The following STK24 variants were observed in gnomAD, a reference collection of about 807,000 sequenced individuals.
STK24 encodes serine/threonine-protein kinase 24.
STK24 carries 21 observed loss-of-function variants against 55.6 expected under a neutral mutation model. The ratio of observed to expected loss-of-function variants is 0.38; its 90% CI spans 0.27 to 0.54. The LOEUF is 0.54. Among genes scored for constraint, STK24 ranks in the 20% least tolerant of loss-of-function variants. The pLI, the probability that STK24 is intolerant of heterozygous loss-of-function variation, is 0.79. For synonymous variants in STK24, 200 were observed against 215.2 expected, an observed-to-expected ratio of 0.93 and a Z score of 0.62; for missense variants, 383 against 538.4, an observed-to-expected ratio of 0.71 and a Z score of 2.86.
chr13:98,517,656 G>C (rs1356620852), intron 2 of STK24, among the ~76,000 whole-genome samples: 1 of 152,082 alleles, frequency 6.6e-6, no homozygotes, highest in Non-Finnish European at 1.5e-5. Flanking sequence ...TTAACATCAA[G>C]ATGCTGGCAT....
At position 98,447,569 on chromosome 13, in the gene STK24, C is replaced by T. The variant is rs567461212; in HGVS notation, c.*5604G>A. The T allele has an allele frequency of 1.1e-4, 17 of 152,662 alleles. No homozygotes were observed. Among genetic ancestry groups the T allele is most frequent in the African/African-American group, 3.8e-4 (16 of 41,570 alleles). 9.5% of individuals were successfully genotyped at this position (152,662 alleles called of 1,614,324 possible). On this transcript the variant is annotated 3_prime_UTR_variant, in exon 11 of 11. Coordinates refer to ENST00000539966, the MANE Select transcript of STK24 (RefSeq NM_001032296.4). The stretch of plus-strand genomic sequence containing the variant: ...GGATGTTCAGCGGCATCCCTGGCCA[C>T]CCACTAGATGCCCGCAGCAACCCCT...
chr13:98,526,171 G>A (rs1002600496), intron 1 of STK24, among the ~76,000 whole-genome samples: 1 of 152,170 alleles, frequency 6.6e-6, no homozygotes, highest in Non-Finnish European at 1.5e-5. Context: ...AACAATTTTT[G>A]TCCTGTTTTC....
intron 2 of STK24, among the ~76,000 whole-genome samples, chr13:98,517,867 A>G (rs1304496797): frequency 1.3e-5 from 2 of 152,220 alleles, no homozygotes; most frequent in Admixed American, 6.5e-5. Flanking sequence ...AATTTAAGAG[A>G]TGAGGTATGA....
At chr13:98,565,058 G>C (rs1442297338) in intron 1 of STK24, among the ~76,000 whole-genome samples, 1 of 152,208 alleles carries the variant, frequency 6.6e-6, no homozygotes, top group Non-Finnish European at 1.5e-5. Context: ...CAAGCCATAG[G>C]CTGCAAGCAC....
intron 1 of STK24, among the ~76,000 whole-genome samples, chr13:98,549,706 C>G (rs543636059): frequency 8.9e-4 from 135 of 152,302 alleles, no homozygotes; most frequent in African/African-American, 3.2e-3. Flanking sequence ...GCTTCCTGTA[C>G]AGCCTGCAGA....
chr13:98,499,964 G>T (rs1247534226), intron 2 of STK24, among the ~76,000 whole-genome samples: 2 of 152,176 alleles, frequency 1.3e-5, no homozygotes, highest in Non-Finnish European at 2.9e-5. Flanking sequence ...CTCTCAATCT[G>T]TTGCTGAAGA....
At chr13:98,506,388 G>A (rs189178157) in intron 2 of STK24, among the ~76,000 whole-genome samples, 5 of 152,298 alleles carry the variant, frequency 3.3e-5, no homozygotes, top group African/African-American at 9.6e-5. Flanking sequence ...TGGAATCACC[G>A]CCCAGATTCA....
intron 1 of STK24, among the ~76,000 whole-genome samples, chr13:98,546,890 A>G (rs562998726): frequency 1.1e-5 from 1 of 90,470 alleles, no homozygotes; most frequent in East Asian, 3.0e-4. Flanking sequence ...TTCCTTCCAT[A>G]TCTAATTGTT....
At chr13:98,494,448 A>T (rs2139330664) in intron 2 of STK24, among the ~76,000 whole-genome samples, 1 of 149,330 alleles carries the variant, frequency 6.7e-6, no homozygotes, top group South Asian at 2.1e-4. Flanking sequence ...ACAGTATTAT[A>T]AGGAAAAATT....
At chr13:98,503,658 AGG>A (rs1172744342) in intron 2 of STK24, among the ~76,000 whole-genome samples, 1 of 152,266 alleles carries the variant, frequency 6.6e-6, no homozygotes, top group African/African-American at 2.4e-5. Context: ...CAGCCACACT[AGG>A]CAGAGCCTTA....
intron 2 of STK24, among the ~76,000 whole-genome samples, chr13:98,515,329 C>T (rs1274964920): frequency 2.0e-5 from 3 of 152,062 alleles, no homozygotes; most frequent in East Asian, 1.9e-4. Flanking sequence ...ATTTTGACTT[C>T]GTGGATGGTA....
At chr13:98,512,860 G>T (rs182159835) in intron 2 of STK24, among the ~76,000 whole-genome samples, 2 of 152,226 alleles carry the variant, frequency 1.3e-5, no homozygotes, top group African/African-American at 4.8e-5. Context: ...ACTCCACTCA[G>T]TGAGGGAGGG....
At chr13:98,559,143 C>T (rs1314802514) in intron 1 of STK24, among the ~76,000 whole-genome samples, 1 of 151,566 alleles carries the variant, frequency 6.6e-6, no homozygotes, top group Non-Finnish European at 1.5e-5. Context: ...CATTGCACTC[C>T]AGCCTGGGCA....
At chr13:98,555,842 G>A (rs565602871) in intron 1 of STK24, among the ~76,000 whole-genome samples, 39 of 151,242 alleles carry the variant, frequency 2.6e-4, no homozygotes, top group African/African-American at 9.2e-4. Context: ...CACCACACCC[G>A]GTTAATTTTT....
chr13:98,456,471 G>A (rs775007064), intron 10 of STK24: 1 of 509,412 alleles, frequency 2.0e-6, no homozygotes, highest in Non-Finnish European at 4.0e-6. Flanking sequence ...AGGTCACACA[G>A]AGCGGCTTCC....
At chr13:98,480,322 T>TA (rs1432641566) in intron 3 of STK24, among the ~76,000 whole-genome samples, 3 of 152,248 alleles carry the variant, frequency 2.0e-5, no homozygotes, top group African/African-American at 7.2e-5. Context: ...CTGAAGGACT[T>TA]AATGTTGGAA....
At chr13:98,497,002 A>T (rs1261801258) in intron 2 of STK24, among the ~76,000 whole-genome samples, 1 of 152,188 alleles carries the variant, frequency 6.6e-6, no homozygotes, top group Non-Finnish European at 1.5e-5. Flanking sequence ...AGATTAGAGT[A>T]GGACAGTGTT....
rs536869447 is a variant in STK24 at position 98,540,343 on chromosome 13, A to G, written c.43-20870T>C. On this transcript the variant is annotated intron_variant, in intron 1 of 10. Transcript: ENST00000539966. ...GCATTTTACACCTGAAATGAATTTT[A>G]TGGTATGTAAAATATGTATCAATAA... Among the ~76,000 whole-genome samples, 9 of 152,320 alleles carry G rather than the reference A, an allele frequency of 5.9e-5. No individual in the cohort carries two copies. The East Asian group carries it at 1.7e-3, about 29-fold the overall frequency.
chr13:98,555,962 G>A (rs1473190969), intron 1 of STK24, among the ~76,000 whole-genome samples: 1 of 151,120 alleles, frequency 6.6e-6, no homozygotes, highest in Admixed American at 6.6e-5. Context: ...GATTACAGGC[G>A]TGAGCCACCG....
Sources: gnomAD v4.1 joint callset for allele counts (sites outside exome capture counted in the v4.1 genomes callset) on GRCh38, gnomAD v4.1.1 for gene constraint, MANE v1.5 for transcripts, NCBI Gene and HGNC (gene_info 2026-07-23, HGNC 2026-07-21) for gene names.